Variants in DENND6A observed in about 807,000 individuals in gnomAD.
DENND6A encodes protein DENND6A.
In DENND6A, 43 loss-of-function variants were observed where a neutral mutation model predicts 95.5. The observed-to-expected ratio is 0.45, with a 90% CI of 0.35 to 0.58. The LOEUF (loss-of-function observed/expected upper bound fraction) is 0.58, where lower values mean the gene tolerates loss of function less well. DENND6A is among the 20% of genes least tolerant of loss of function. DENND6A has a pLI of 0.00. For synonymous variants in DENND6A, 257 were observed against 260.4 expected (o/e 0.99, Z 0.13); for missense variants, 574 against 736.0 (o/e 0.78, Z 2.55).
chr3:57,675,944 C>T (rs548646719), intron 1 of DENND6A, among the ~76,000 whole-genome samples: 3 of 152,046 alleles, frequency 2.0e-5, no homozygotes, highest in Non-Finnish European at 2.9e-5. Context: ...CCGGAGGTGC[C>T]TCAAAGGCCA....
chr3:57,676,492 C>T (rs953152601), intron 1 of DENND6A, among the ~76,000 whole-genome samples: 2 of 151,370 alleles, frequency 1.3e-5, no homozygotes, highest in African/African-American at 4.9e-5. Flanking sequence ...GGCACACATG[C>T]CAGTGGAGAT....
rs1413538713 is a variant in DENND6A at position 57,626,298 on chromosome 3, A to C, written c.*1916T>G. ...CTTAAGAGTTATATCGACAGAGAAC[A>C]AAAGATAGCTTCTGAAGCCATATCC... is the stretch of plus-strand genomic sequence containing the variant. On this transcript the variant is annotated 3_prime_UTR_variant, in exon 20 of 20. Transcript: ENST00000311128. The C allele has an allele frequency of 1.3e-5, 2 of 152,616 alleles. No individual in the cohort carries two copies. Among genetic ancestry groups the C allele is most frequent in the Admixed American group, 6.5e-5 (1 of 15,284 alleles). 9.5% of individuals were successfully genotyped at this position (152,616 alleles called of 1,614,324 possible).
intron 1 of DENND6A, among the ~76,000 whole-genome samples, chr3:57,684,658 C>T (rs549394902): frequency 1.3e-5 from 2 of 152,154 alleles, no homozygotes; most frequent in East Asian, 1.9e-4. Flanking sequence ...TTGGTACACA[C>T]CTGTAGTCCA....
chr3:57,654,761 A>C (rs2071290560), intron 9 of DENND6A: 1 of 985,418 alleles, frequency 1.0e-6, no homozygotes, highest in Non-Finnish European at 1.2e-6. Context: ...ACTCAACTGT[A>C]TCTCTGCTAC....
At chr3:57,630,243 A>G in intron 18 of DENND6A, 178 bp downstream of exon 18, 2 of 501,232 alleles carry the variant, frequency 4.0e-6, no homozygotes, top group Non-Finnish European at 6.6e-6. Context: ...AAAGATTAAA[A>G]GAGATTATCT....
At chr3:57,681,388 C>A (rs2077162928) in intron 1 of DENND6A, among the ~76,000 whole-genome samples, 1 of 151,848 alleles carries the variant, frequency 6.6e-6, no homozygotes, top group Non-Finnish European at 1.5e-5. Context: ...GGCATGAACC[C>A]AGGAGGCAGA....
At chr3:57,670,917 C>T (rs937047587) in intron 3 of DENND6A, among the ~76,000 whole-genome samples, 3 of 152,150 alleles carry the variant, frequency 2.0e-5, no homozygotes, top group Admixed American at 2.0e-4. Context: ...AGTGTATGTA[C>T]AGATTTTATA....
intron 4 of DENND6A, among the ~76,000 whole-genome samples, chr3:57,664,666 C>T (rs2153415876): frequency 6.6e-6 from 1 of 152,188 alleles, no homozygotes; most frequent in East Asian, 1.9e-4. Flanking sequence ...ATCCCTGTCT[C>T]TACTAAAAAT....
chr3:57,643,555 C>T (rs983509230), intron 11 of DENND6A, among the ~76,000 whole-genome samples: 13 of 151,932 alleles, frequency 8.6e-5, no homozygotes, highest in East Asian at 1.9e-4. Flanking sequence ...GGGCCAGGCA[C>T]GGTGGCTCAC....
intron 4 of DENND6A, 37 bp from the exon 5 acceptor site, chr3:57,663,753 G>C: frequency 8.0e-7 from 1 of 1,257,434 alleles, no homozygotes; most frequent in Non-Finnish European, 1.1e-6. Context: ...GTGTGGGGGG[G>C]TACATATATA....
At position 57,693,076 on chromosome 3, in the gene DENND6A, T is replaced by TTGCCTCCGCGCA. The variant is rs1463024324; in HGVS notation, c.-59_-58insTGCGCGGAGGCA. 2 of 1,309,802 alleles carry TTGCCTCCGCGCA rather than the reference T, an allele frequency of 1.5e-6. No individual in the cohort carries two copies. Among genetic ancestry groups the TTGCCTCCGCGCA allele is most frequent in the Non-Finnish European group, 2.0e-6 (2 of 1,024,284 alleles). The allele number at this position is 1,309,802 out of a possible 1,614,324, so 81.1% of individuals were successfully genotyped here. A position where few individuals can be genotyped will look rare whatever the true frequency, so the allele number is the denominator to read the frequency against. ...CAGCGGACCGCGCCGCAGAGCGCGC[T>TTGCCTCCGCGCA]TGCCTCCGCGCAGGCGCAGACGCTG... On this transcript the variant is annotated 5_prime_UTR_variant, in exon 1 of 20. The change creates a new upstream start codon in the 5' untranslated region. Transcript: ENST00000311128.
At position 57,634,782 on chromosome 3, in the gene DENND6A, G is replaced by C. The variant is rs953571220; in HGVS notation, c.1133-13C>G. The C allele has an allele frequency of 1.3e-6, 2 of 1,532,418 alleles. No homozygotes were observed. Among genetic ancestry groups the C allele is most frequent in the Non-Finnish European group, 1.8e-6 (2 of 1,142,528 alleles). 94.9% of individuals were successfully genotyped at this position (1,532,418 alleles called of 1,614,324 possible). A position where few individuals can be genotyped will look rare whatever the true frequency, so the allele number is the denominator to read the frequency against. On this transcript the variant is annotated splice_polypyrimidine_tract_variant and intron_variant, in intron 12 of 19. Transcript: ENST00000311128. ...TTAGGAATTTCACCTGAAGGAAGCA[G>C]CATAAAGATTTTTATAATTATTCTA...
At chr3:57,668,786 A>G (rs1005996959) in intron 3 of DENND6A, among the ~76,000 whole-genome samples, 1 of 152,202 alleles carries the variant, frequency 6.6e-6, no homozygotes, top group Admixed American at 6.5e-5. Context: ...TCTCTTTCCT[A>G]AAGACTGCTC....
At chr3:57,672,329 G>C (rs1575856554) in intron 2 of DENND6A, 31 bp from the exon 3 acceptor site, 2 of 1,607,886 alleles carry the variant, frequency 1.2e-6, no homozygotes, top group Non-Finnish European at 1.7e-6. Flanking sequence ...GATGTATGCT[G>C]ACACATACAT....
At chr3:57,650,708 A>C (rs2153414441) in intron 9 of DENND6A, among the ~76,000 whole-genome samples, 1 of 152,324 alleles carries the variant, frequency 6.6e-6, no homozygotes, top group East Asian at 1.9e-4. Flanking sequence ...CATTATTCAT[A>C]ATAACCAAAA....
Position 57,628,117 on chromosome 3 carries a change from T to C in DENND6A, c.*97A>G, listed in dbSNP as rs2070571891. The C allele has an allele frequency of 3.3e-6, 5 of 1,510,834 alleles. No homozygotes were observed. In the Admixed American group the frequency reaches 1.1e-4, roughly 32 times the overall value. 93.6% of individuals were successfully genotyped at this position (1,510,834 alleles called of 1,614,324 possible). ...ACTAGCATTCATGGCAATTTTCCAC[T>C]CCGCTGCCACTGAGAGATCTCCTTT... is the stretch of plus-strand genomic sequence containing the variant. On this transcript the variant is annotated 3_prime_UTR_variant, in exon 20 of 20. Coordinates refer to ENST00000311128, the MANE Select transcript of DENND6A (RefSeq NM_152678.3).
intron 11 of DENND6A, among the ~76,000 whole-genome samples, chr3:57,644,149 CAAAA>C (rs1177987681): frequency 2.7e-5 from 2 of 73,360 alleles, no homozygotes; most frequent in African/African-American, 5.2e-5. Flanking sequence ...GACTCCATCT[CAAAA>C]AAAAAAAAAA....
intron 3 of DENND6A, among the ~76,000 whole-genome samples, chr3:57,669,698 G>A (rs904683938): frequency 6.6e-6 from 1 of 151,266 alleles, no homozygotes; most frequent in African/African-American, 2.4e-5. Context: ...CTGGGCAACA[G>A]AGCGAGACTC....
Position 57,689,216 on chromosome 3 carries a change from G to A in DENND6A, c.237+3566C>T, listed in dbSNP as rs561349062. Among the ~76,000 whole-genome samples the A allele has an allele frequency of 4.6e-5, 7 of 151,766 alleles. 1 individual carries two copies. The South Asian group carries it at 1.5e-3, about 31-fold the overall frequency. ...GATCTGCCCGCCTCGGCCTCCCAAA[G>A]TGCTGGAATTACAGGCATGAGCCGC... On this transcript the variant is annotated intron_variant, in intron 1 of 19. Coordinates refer to ENST00000311128, the MANE Select transcript of DENND6A (RefSeq NM_152678.3).
Sources: allele counts gnomAD v4.1 joint callset (sites outside exome capture counted in the v4.1 genomes callset), GRCh38; gene constraint gnomAD v4.1.1; transcripts MANE v1.5; gene names NCBI Gene and HGNC (gene_info 2026-07-23, HGNC 2026-07-21).